LIMCH1: variants seen among roughly 807,000 people sequenced by gnomAD.
The protein encoded by LIMCH1 is LIM and calponin homology domains 1.
Under a neutral mutation model 176.5 loss-of-function variants are expected in LIMCH1, and 113 were observed. The observed-to-expected ratio is 0.64, with a 90% CI of 0.55 to 0.75. The LOEUF is 0.75. Among genes scored for constraint, LIMCH1 ranks in the 30% least tolerant of loss-of-function variants. The pLI, the probability that LIMCH1 is intolerant of heterozygous loss-of-function variation, is 0.00. For synonymous variants in LIMCH1, 619 were observed against 645.9 expected (o/e 0.96, Z 0.63); for missense variants, 1,674 against 1,814.9 (o/e 0.92, Z 1.41).
intron 1 of LIMCH1, among the ~76,000 whole-genome samples, chr4:41,448,067 AGGAG>A (rs1221963578): frequency 2.0e-5 from 3 of 152,220 alleles, no homozygotes; most frequent in Non-Finnish European, 4.4e-5. Flanking sequence ...CTGGGATTAT[AGGAG>A]TGAGCCACCA....
At chr4:41,500,588 A>G (rs548286738) in intron 2 of LIMCH1, among the ~76,000 whole-genome samples, 1 of 152,356 alleles carries the variant, frequency 6.6e-6, no homozygotes, top group South Asian at 2.1e-4. Flanking sequence ...TAGATGGTTC[A>G]TATTTCTGTT....
chr4:41,547,525 C>T (rs897732024), intron 1 of LIMCH1, among the ~76,000 whole-genome samples: 10 of 134,786 alleles, frequency 7.4e-5, no homozygotes, highest in Admixed American at 2.2e-4. Flanking sequence ...ATTTAAGTTT[C>T]GCATTTTTTC....
At chr4:41,441,260 C>G (rs762089158) in intron 1 of LIMCH1, among the ~76,000 whole-genome samples, 2 of 152,060 alleles carry the variant, frequency 1.3e-5, no homozygotes, top group African/African-American at 4.8e-5. Context: ...AAAATGAAAA[C>G]CAAACAGCTT....
At chr4:41,546,417 G>C (rs1312472617) in intron 1 of LIMCH1, among the ~76,000 whole-genome samples, 1 of 151,884 alleles carries the variant, frequency 6.6e-6, no homozygotes, top group Non-Finnish European at 1.5e-5. Context: ...GGGATTATAG[G>C]CATGAGCCAC....
chr4:41,533,651 A>T (rs1213094717), upstream of LIMCH1, among the ~76,000 whole-genome samples: 7 of 152,244 alleles, frequency 4.6e-5, no homozygotes, highest in Non-Finnish European at 7.3e-5. Context: ...TACTTTCTAG[A>T]AGACAAATAT....
chr4:41,580,673 A>C (rs970593732), intron 1 of LIMCH1, among the ~76,000 whole-genome samples: 1 of 152,198 alleles, frequency 6.6e-6, no homozygotes, highest in Non-Finnish European at 1.5e-5. Flanking sequence ...GAATTAATAA[A>C]GATAAAAGCT....
Position 41,626,936 on chromosome 4 carries a change from A to G in LIMCH1, c.954A>G (p.Lys318=). The G allele has an allele frequency of 6.5e-7, 1 of 1,536,188 alleles. No individual in the cohort carries two copies. The highest frequency in any genetic ancestry group is 8.7e-7 in the Non-Finnish European group (1 of 1,146,926). Residue 318 remains lysine, a synonymous_variant, in exon 8 of 32, where the codon AAA becomes AAG. Coordinates refer to ENST00000503057, the MANE Select transcript of LIMCH1 (RefSeq NM_001330672.2). ...TCCTCTATGGCCCTTATCCAAAGAA[A>G]GGGGCAGAGAAATCAGATGGCAGCA... is the stretch of plus-strand genomic sequence containing the variant. The part of the protein sequence containing the change: ...NQLLYGPYPK[K]GAEKSDGSKQ...
chr4:41,439,328 C>T (rs1582186254), intron 1 of LIMCH1, among the ~76,000 whole-genome samples: 2 of 152,174 alleles, frequency 1.3e-5, no homozygotes, highest in East Asian at 3.9e-4. Flanking sequence ...GTGGCTCATG[C>T]CTGTAATCCC....
At chr4:41,464,695 CAA>C (rs1288589679) in intron 1 of LIMCH1, among the ~76,000 whole-genome samples, 1 of 152,064 alleles carries the variant, frequency 6.6e-6, no homozygotes, top group Non-Finnish European at 1.5e-5. Context: ...TTAAGTAGGT[CAA>C]GTCTGTTCAT....
chr4:41,479,405 C>T lies in LIMCH1; in HGVS notation c.97-15131C>T, dbSNP rs1385802609. Among the ~76,000 whole-genome samples, 8 of 152,272 alleles carry T rather than the reference C, an allele frequency of 5.3e-5. No homozygotes were observed. The South Asian group carries it at 1.7e-3, about 32-fold the overall frequency. On this transcript the variant is annotated intron_variant, in intron 1 of 26. Coordinates refer to the LIMCH1 transcript ENST00000313860. ...TAGCTGGGTCTACATGCATGTACCA[C>T]CACACCCGGCCAAATTTTTTTGTTT...
chr4:41,692,238 A>G, intron 30 of LIMCH1, 44 bp from the exon 31 acceptor site: 1 of 1,139,750 alleles, frequency 8.8e-7, no homozygotes, highest in East Asian at 2.3e-5. Context: ...AGAAAGAAAC[A>G]ATTCCTTATG....
intron 2 of LIMCH1, among the ~76,000 whole-genome samples, chr4:41,498,685 T>A (rs914857143): frequency 6.6e-6 from 1 of 152,208 alleles, no homozygotes; most frequent in Middle Eastern, 3.4e-3. Context: ...CTGCAGAGAG[T>A]TAGTCTTTAA....
intron 1 of LIMCH1, among the ~76,000 whole-genome samples, chr4:41,389,937 C>T (rs965554028): frequency 1.2e-4 from 19 of 152,160 alleles, no homozygotes; most frequent in African/African-American, 4.3e-4. Context: ...TCCCCTGGCT[C>T]CCCATGGTTT....
intron 1 of LIMCH1, among the ~76,000 whole-genome samples, chr4:41,417,856 A>T (rs4458486): frequency 0.068 from 10,296 of 152,066 alleles, 692 homozygotes; most frequent in South Asian, 0.19. Flanking sequence ...GGTTTGAAAA[A>T]TTTTTTTTAC....
In LIMCH1 at chr4:41,682,372, G is replaced by C; in HGVS notation, c.3757G>C (p.Asp1253His). Reference sequence around the variant, plus strand: ...GGGAAACTGTCAAGATGAAAAACAAGACAGAAGATGGAAGAAATCATTCCA... The same window carrying C: ...GGGAAACTGTCAAGATGAAAAACAACACAGAAGATGGAAGAAATCATTCCA... ...DLGNCQDEKQ[D>H]RRWKKSFQGD... Residue 1253 changes from aspartate to histidine, a missense_variant, in exon 26 of 32, where the codon GAC (aspartate) becomes CAC (histidine). Physicochemically the swap from Asp to His is moderately conservative, Grantham distance 81 (BLOSUM62 -1). Coordinates refer to ENST00000503057, the MANE Select transcript of LIMCH1 (RefSeq NM_001330672.2). 1 of 1,612,720 alleles carries C rather than the reference G, an allele frequency of 6.2e-7. No individual in the cohort carries two copies. Among genetic ancestry groups the C allele is most frequent in the Non-Finnish European group, 8.5e-7 (1 of 1,178,958 alleles).
chr4:41,453,474 G>GA lies in LIMCH1; in HGVS notation c.97-41058dup, dbSNP rs2064147605. 4 of 152,324 alleles carry GA rather than the reference G, an allele frequency of 2.6e-5. No individual in the cohort carries two copies. In the South Asian group the frequency reaches 8.3e-4, roughly 32 times the overall value. The allele number at this position is 152,324 out of a possible 1,614,324, so 9.4% of individuals were successfully genotyped here. A position where few individuals can be genotyped will look rare whatever the true frequency, so the allele number is the denominator to read the frequency against. Reference sequence around the variant, plus strand: ...GCTAAAGAAAAGAAAATGTTCTTTAGAAAATCATAAGGAAGAGGAAATATA... The same window carrying GA: ...GCTAAAGAAAAGAAAATGTTCTTTAGAAAAATCATAAGGAAGAGGAAATATA... On this transcript the variant is annotated intron_variant, in intron 1 of 26. Coordinates refer to the LIMCH1 transcript ENST00000313860.
chr4:41,430,151 T>C (rs1181860970), intron 1 of LIMCH1, among the ~76,000 whole-genome samples: 4 of 152,220 alleles, frequency 2.6e-5, no homozygotes, highest in Non-Finnish European at 4.4e-5. Context: ...ATGGAGTGTA[T>C]TCTAATTCTA....
At chr4:41,570,305 C>T (rs1428985080) in intron 1 of LIMCH1, among the ~76,000 whole-genome samples, 13 of 152,230 alleles carry the variant, frequency 8.5e-5, no homozygotes, top group Non-Finnish European at 1.2e-4. Context: ...ACTAACAAAA[C>T]TTTGCTTTCC....
chr4:41,396,063 G>T (rs372279444), intron 1 of LIMCH1, among the ~76,000 whole-genome samples: 15 of 152,292 alleles, frequency 9.8e-5, no homozygotes, highest in Admixed American at 3.3e-4. Context: ...GAACAACAAG[G>T]GGAGCCAGGG....
Sources: allele counts gnomAD v4.1 joint callset (sites outside exome capture counted in the v4.1 genomes callset), GRCh38; gene constraint gnomAD v4.1.1; transcripts MANE v1.5; gene names NCBI Gene and HGNC (gene_info 2026-07-23, HGNC 2026-07-21).